Variants in RBM26 observed in about 807,000 individuals in gnomAD.
RBM26 encodes the protein RNA binding motif protein 26, also known as RNA-binding protein 26.
A neutral mutation model predicts 123.6 loss-of-function variants in RBM26; 30 were observed. The ratio of observed to expected loss-of-function variants is 0.24; its 90% CI spans 0.18 to 0.33. The LOEUF (loss-of-function observed/expected upper bound fraction) is 0.33, where lower values mean the gene tolerates loss of function less well. Ranked by LOEUF, RBM26 falls within the 10% of genes least tolerant of loss-of-function variation. RBM26 has a pLI of 1.00. For missense variants in RBM26, 947 were observed against 1,203.6 expected, an observed-to-expected ratio of 0.79 and a Z score of 3.15; for synonymous variants, 400 against 404.4, an observed-to-expected ratio of 0.99 and a Z score of 0.13.
At chr13:79,343,965 C>T (rs7987769) in intron 16 of RBM26, among the ~76,000 whole-genome samples, 54,488 of 151,568 alleles carry the variant, frequency 0.36, 11,519 homozygotes, top group Middle Eastern at 0.51. Context: ...CATATCAATA[C>T]TGAGAAAAAA....
intron 14 of RBM26, among the ~76,000 whole-genome samples, chr13:79,346,989 T>C (rs2072436439): frequency 6.6e-6 from 1 of 152,206 alleles, no homozygotes; most frequent in Non-Finnish European, 1.5e-5. Flanking sequence ...TATATTATCT[T>C]CATAATAAAA....
chr13:79,342,209 G>A (rs558044922), intron 17 of RBM26, among the ~76,000 whole-genome samples: 1 of 151,798 alleles, frequency 6.6e-6, no homozygotes, highest in East Asian at 1.9e-4. Flanking sequence ...TATAAACATT[G>A]TATAACCCTG....
chr13:79,330,515 T>C (rs930285382), intron 20 of RBM26, among the ~76,000 whole-genome samples: 3 of 152,176 alleles, frequency 2.0e-5, no homozygotes, highest in Non-Finnish European at 4.4e-5. Flanking sequence ...GGGGATCTCT[T>C]GCAGAAACAG....
Position 79,368,757 on chromosome 13 carries a change from G to A in RBM26, c.868C>T (p.Pro290Ser), listed in dbSNP as rs763827045. 3 of 1,613,832 alleles carry A rather than the reference G, an allele frequency of 1.9e-6. No individual in the cohort carries two copies. Among genetic ancestry groups the A allele is most frequent in the East Asian group, 2.2e-5 (1 of 44,848 alleles). Residue 290 changes from proline (P) to serine (S), a missense_variant, in exon 6 of 22, where the codon CCA becomes TCA. Physicochemically the swap from Pro to Ser is moderately conservative, Grantham distance 74. Around this residue, in one of 5 missense-constraint regions of RBM26, gnomAD observed 275 missense variants for 361.0 expected, o/e 0.76. Coordinates refer to ENST00000438737, the MANE Select transcript of RBM26 (RefSeq NM_001366735.2). ...DHNSYVRPPM[P>S]KKRCRDYDEK... ...TCATAGTCTCTACACCGTTTCTTTG[G>A]CATGGGTGGTCTTACGTAAGAGTTA...
At chr13:79,359,354 G>C (rs1418132863) in intron 10 of RBM26, among the ~76,000 whole-genome samples, 1 of 152,050 alleles carries the variant, frequency 6.6e-6, no homozygotes, top group Admixed American at 6.6e-5. Context: ...ATGATAAGAG[G>C]AAAAAATTAT....
rs1334624286 is a variant in RBM26 at position 79,323,040 on chromosome 13, T to C, written c.2821-578A>G. ...ATAAAACTAAAACAAAATATAAGTG[T>C]CTCAATGAAAGGAAAAAAAACCCCT... On this transcript the variant is annotated intron_variant, in intron 20 of 21. Transcript: ENST00000438737. Among the ~76,000 whole-genome samples the C allele has an allele frequency of 3.3e-5, 5 of 151,438 alleles. No individual in the cohort carries two copies. In the East Asian group the frequency reaches 7.7e-4, roughly 23 times the overall value.
In RBM26 at chr13:79,319,995, CTT is replaced by C. The variant is rs1245125526; in HGVS notation, c.*624_*625del. ...TGTCATTGCTTTTCTCTTTTCTTTC[CTT>C]TTTTTTTTTTAAAGAGACCATTCCA... is the stretch of plus-strand genomic sequence containing the variant. On this transcript the variant is annotated 3_prime_UTR_variant, in exon 22 of 22. Coordinates refer to ENST00000438737, the MANE Select transcript of RBM26 (RefSeq NM_001366735.2). 283 of 404,164 alleles carry C rather than the reference CTT, an allele frequency of 7.0e-4. No homozygotes were observed. The highest frequency in any genetic ancestry group is 1.1e-3 in the South Asian group (9 of 8,048). 25.0% of individuals were successfully genotyped at this position (404,164 alleles called of 1,614,324 possible).
chr13:79,364,190 G>A (rs2075021825), intron 9 of RBM26, among the ~76,000 whole-genome samples: 1 of 152,098 alleles, frequency 6.6e-6, no homozygotes, highest in African/African-American at 2.4e-5. Context: ...TAAGAGGAAT[G>A]GGTATCCACA....
At chr13:79,385,913 C>G (rs2077441154) in intron 1 of RBM26, among the ~76,000 whole-genome samples, 1 of 151,916 alleles carries the variant, frequency 6.6e-6, no homozygotes, top group Admixed American at 6.6e-5. Flanking sequence ...TCCCAGCTTA[C>G]ATTATTCTAA....
chr13:79,319,949 C>CTTTTTTTTTTTTTTTTTTTTGT lies in RBM26; in HGVS notation c.*671_*672insACAAAAAAAAAAAAAAAAAAAA, dbSNP rs2067491130. On this transcript the variant is annotated 3_prime_UTR_variant, in exon 22 of 22. Coordinates refer to ENST00000438737, the MANE Select transcript of RBM26 (RefSeq NM_001366735.2). ...TTTAAATCAAGGAACATTGTCTTGG[C>CTTTTTTTTTTTTTTTTTTTTGT]TTTTTTTTTTTTTTTTTTTTTGTCA... 9.6e-6 allele frequency: 1 copy of CTTTTTTTTTTTTTTTTTTTTGT among 104,680 alleles called. No individual in the cohort carries two copies. Among genetic ancestry groups the CTTTTTTTTTTTTTTTTTTTTGT allele is most frequent in the Non-Finnish European group, 1.1e-5 (1 of 94,060 alleles). The allele number at this position is 104,680 out of a possible 1,614,324, so 6.5% of individuals were successfully genotyped here.
At chr13:79,401,436 G>C (rs928955938) in intron 1 of RBM26, among the ~76,000 whole-genome samples, 7 of 152,138 alleles carry the variant, frequency 4.6e-5, no homozygotes, top group African/African-American at 1.4e-4. Flanking sequence ...GAGTCAAAAA[G>C]CCTTAGTTTA....
intron 20 of RBM26, among the ~76,000 whole-genome samples, chr13:79,331,979 T>TA (rs2069497194): frequency 6.6e-6 from 1 of 152,198 alleles, no homozygotes; most frequent in Non-Finnish European, 1.5e-5. Context: ...CTTATACTGA[T>TA]GGTCTTTAAA....
intron 11 of RBM26, among the ~76,000 whole-genome samples, chr13:79,357,259 C>CT (rs1334792163): frequency 6.6e-6 from 1 of 152,040 alleles, no homozygotes; most frequent in Non-Finnish European, 1.5e-5. Context: ...TTTTATAGTA[C>CT]TTTTCAATGG....
At chr13:79,401,833 T>C (rs1225418639) in intron 1 of RBM26, among the ~76,000 whole-genome samples, 1 of 152,186 alleles carries the variant, frequency 6.6e-6, no homozygotes, top group Non-Finnish European at 1.5e-5. Flanking sequence ...TGAATACTGA[T>C]CTGGACACAG....
rs1405009187 is a variant in RBM26 at position 79,379,025 on chromosome 13, C to G, written c.72-118G>C. The G allele has an allele frequency of 4.6e-6, 3 of 652,504 alleles. No individual in the cohort carries two copies. In the Admixed American group the frequency reaches 8.8e-5, roughly 19 times the overall value. The allele number at this position is 652,504 out of a possible 1,614,324, so 40.4% of individuals were successfully genotyped here. A position where few individuals can be genotyped will look rare whatever the true frequency, so the allele number is the denominator to read the frequency against. ...GTGAGTTAATACATGTAAAAAGCAC[C>G]CGGGTCACAGAGGACCTTGAAGAAA... On this transcript the variant is annotated intron_variant, in intron 1 of 21. Coordinates refer to ENST00000438737, the MANE Select transcript of RBM26 (RefSeq NM_001366735.2).
chr13:79,346,437 G>T (rs2072340699), intron 14 of RBM26, among the ~76,000 whole-genome samples: 1 of 152,018 alleles, frequency 6.6e-6, no homozygotes, highest in African/African-American at 2.4e-5. Context: ...GGAGCATAGT[G>T]GCCCAGATCT....
Position 79,372,774 on chromosome 13 carries a change from ATATAATTATATGATATATAT to A in RBM26, c.328-864_328-845del, listed in dbSNP as rs1349912116. On this transcript the variant is annotated intron_variant, in intron 3 of 21. Coordinates refer to ENST00000438737, the MANE Select transcript of RBM26 (RefSeq NM_001366735.2). The stretch of plus-strand genomic sequence containing the variant: ...TAATTTATTATATATTTTATATTAT[ATATAATTATATGATATATAT>A]TATAATTATATGATATATATTTATA... 7.1e-4 allele frequency among the ~76,000 whole-genome samples: 63 copies of A among 89,198 alleles called. 4 individuals are homozygous for A. The highest frequency in any genetic ancestry group is 1.1e-3 in the African/African-American group (31 of 28,910). 58.5% of individuals were successfully genotyped at this position (89,198 alleles called of 152,430 possible).
chr13:79,329,153 T>A (rs148681802), intron 20 of RBM26, among the ~76,000 whole-genome samples: 57 of 152,168 alleles, frequency 3.7e-4, no homozygotes, highest in African/African-American at 1.3e-3. Flanking sequence ...CCCATGAGAT[T>A]AAGTAAAAAC....
intron 15 of RBM26, 61 bp from the exon 16 acceptor site, chr13:79,344,383 G>C: frequency 7.8e-7 from 1 of 1,288,960 alleles, no homozygotes; most frequent in African/African-American, 1.5e-5. Flanking sequence ...TATTATTCAA[G>C]AGAAGAGAAA....
Sources: gnomAD v4.1 joint callset for allele counts (sites outside exome capture counted in the v4.1 genomes callset) on GRCh38, gnomAD v4.1.1 for gene constraint, gnomAD v4.1.1 regional missense constraint, MANE v1.5 for transcripts, NCBI Gene and HGNC (gene_info 2026-07-23, HGNC 2026-07-21) for gene names.